Variants in OR2L3 observed in about 807,000 individuals in gnomAD.
OR2L3 encodes the protein olfactory receptor family 2 subfamily L member 3, also known as olfactory receptor 2L3.
For missense variants in OR2L3, 369 were observed against 376.6 expected, an observed-to-expected ratio of 0.98 and a Z score of 0.17; for synonymous variants, 131 against 139.1, an observed-to-expected ratio of 0.94 and a Z score of 0.41.
At chr1:248,052,424 A>G (rs1241253564) in intron 1 of OR2L3, among the ~76,000 whole-genome samples, 1 of 152,116 alleles carries the variant, frequency 6.6e-6, no homozygotes, top group Non-Finnish European at 1.5e-5. Flanking sequence ...GCTTCGAGTA[A>G]GTTTTAAAAT....
intron 1 of OR2L3, among the ~76,000 whole-genome samples, chr1:248,054,199 A>G (rs1435840177): frequency 6.6e-6 from 1 of 152,162 alleles, no homozygotes; most frequent in East Asian, 1.9e-4. Context: ...TCCCAGCACC[A>G]TTTATTAAAT....
chr1:248,061,448 A>T lies in OR2L3; in HGVS notation c.767A>T (p.Tyr256Phe). 6.2e-7 allele frequency: 1 copy of T among 1,613,994 alleles called. No homozygotes were observed. Among genetic ancestry groups the T allele is most frequent in the Non-Finnish European group, 8.5e-7 (1 of 1,179,986 alleles). ...VVTFYYAPFV[Y>F]TYLRPRSLRS... ...ACTTTCTACTATGCACCTTTTGTCTACACTTATCTACGTCCAAGATCCCTG... is the reference window on the plus strand; with the variant it reads ...ACTTTCTACTATGCACCTTTTGTCTTCACTTATCTACGTCCAAGATCCCTG... The change falls in exon 2 of 2, where the codon TAC becomes TTC. Residue 256 changes from tyrosine (Y) to phenylalanine (F), a missense_variant. By Grantham distance (22) the Tyr-to-Phe change is conservative (BLOSUM62 3). Coordinates refer to ENST00000359959, the MANE Select transcript of OR2L3 (RefSeq NM_001004687.2).
intron 1 of OR2L3, 128 bp from the exon 2 acceptor site, chr1:248,060,533 G>A (rs1663588284): frequency 1.5e-6 from 1 of 647,462 alleles, no homozygotes; most frequent in Non-Finnish European, 2.8e-6. Flanking sequence ...TGTGTGGACA[G>A]AAAATAATAG....
intron 1 of OR2L3, among the ~76,000 whole-genome samples, chr1:248,057,001 G>T (rs1454300519): frequency 5.9e-5 from 9 of 152,124 alleles, no homozygotes; most frequent in African/African-American, 2.2e-4. Context: ...TGGTCTGAGA[G>T]ACTGTTTGTT....
At position 248,050,203 on chromosome 1, in the gene OR2L3, C is replaced by T. The variant is rs565792022; in HGVS notation, c.-22+3323C>T. On this transcript the variant is annotated intron_variant, in intron 1 of 1. Transcript: ENST00000359959. ...AATAGTGACCAGGACTTTTTCTGCT[C>T]GTTCTTTCCTCCTGTGTATTCTGTC... 6.6e-5 allele frequency among the ~76,000 whole-genome samples: 10 copies of T among 151,838 alleles called. No individual in the cohort carries two copies. The South Asian group carries it at 1.3e-3, about 19-fold the overall frequency.
At chr1:248,055,214 T>A (rs1235934679) in intron 1 of OR2L3, among the ~76,000 whole-genome samples, 2 of 152,192 alleles carry the variant, frequency 1.3e-5, no homozygotes. Flanking sequence ...TTTTTGTCTT[T>A]AGTTCTGTTT....
intron 1 of OR2L3, among the ~76,000 whole-genome samples, chr1:248,048,487 G>T (rs1663156007): frequency 6.6e-6 from 1 of 152,092 alleles, no homozygotes; most frequent in Non-Finnish European, 1.5e-5. Flanking sequence ...AGCTGTCCTT[G>T]TCTATACTCC....
intron 1 of OR2L3, among the ~76,000 whole-genome samples, chr1:248,060,399 AAGAT>A (rs1663583574): frequency 6.6e-6 from 1 of 152,230 alleles, no homozygotes; most frequent in South Asian, 2.1e-4. Flanking sequence ...TTGAGAGAGA[AAGAT>A]AGAGACCATA....
chr1:248,055,143 C>G (rs1320499567), intron 1 of OR2L3, among the ~76,000 whole-genome samples: 1 of 152,042 alleles, frequency 6.6e-6, no homozygotes, highest in Non-Finnish European at 1.5e-5. Flanking sequence ...GAGTTTTTAA[C>G]ATGAAGGGAA....
At chr1:248,058,913 C>T (rs1326970282) in intron 1 of OR2L3, among the ~76,000 whole-genome samples, 1 of 151,752 alleles carries the variant, frequency 6.6e-6, no homozygotes, top group Admixed American at 6.6e-5. Context: ...TCTTACTTTG[C>T]CTTTTGAAAC....
chr1:248,061,253 C>T lies in OR2L3; in HGVS notation c.572C>T (p.Thr191Ile). Residue 191 changes from threonine to isoleucine, a missense_variant, in exon 2 of 2, where the codon ACC becomes ATC. Transcript: ENST00000359959. ...PAMVTLACMD[T>I]WVYEGTVFLS... ...ATGGTGACTCTGGCCTGCATGGACA[C>T]CTGGGTCTATGAGGGCACAGTGTTT... is the stretch of plus-strand genomic sequence containing the variant. The T allele has an allele frequency of 1.2e-6, 2 of 1,610,610 alleles. No homozygotes were observed. The highest frequency in any genetic ancestry group is 1.7e-6 in the Non-Finnish European group (2 of 1,179,110).
chr1:248,049,318 G>T (rs1281207642), intron 1 of OR2L3, among the ~76,000 whole-genome samples: 1 of 152,172 alleles, frequency 6.6e-6, no homozygotes, highest in Admixed American at 6.5e-5. Context: ...GGATAGGAAA[G>T]AGATCCATGC....
chr1:248,047,068 G>C (rs892830290), intron 1 of OR2L3, among the ~76,000 whole-genome samples, 188 bp downstream of exon 1: 1 of 152,120 alleles, frequency 6.6e-6, no homozygotes, highest in African/African-American at 2.4e-5. Context: ...AAATGGTTTT[G>C]AACCTAATTC....
intron 1 of OR2L3, among the ~76,000 whole-genome samples, chr1:248,056,165 A>C (rs10736376): frequency 6.6e-6 from 1 of 152,248 alleles, no homozygotes; most frequent in East Asian, 1.9e-4. Flanking sequence ...CTCTCTTTAC[A>C]TCTTTATTAT....
intron 1 of OR2L3, among the ~76,000 whole-genome samples, chr1:248,056,916 C>A (rs1013095194): frequency 2.6e-5 from 4 of 151,884 alleles, no homozygotes; most frequent in Non-Finnish European, 4.4e-5. Flanking sequence ...TCCCAAAGTG[C>A]TGGGATTACA....
At chr1:248,052,418 C>T (rs1232104581) in intron 1 of OR2L3, among the ~76,000 whole-genome samples, 2 of 152,016 alleles carry the variant, frequency 1.3e-5, no homozygotes, top group African/African-American at 2.4e-5. Context: ...ACTATAGCTT[C>T]GAGTAAGTTT....
rs747288930 is a variant in OR2L3 at position 248,060,783 on chromosome 1, C to T, written c.102C>T (p.Phe34=). The change falls in exon 2 of 2, where the codon TTC becomes TTT. Residue 34 remains phenylalanine (F), a synonymous_variant. Coordinates refer to ENST00000359959, the MANE Select transcript of OR2L3 (RefSeq NM_001004687.2). ...LFLFILIVFI[F]LMALIGNLSM... is the part of the protein sequence containing the mutation. ...TCTTCATCCTCATTGTTTTCATTTT[C>T]CTAATGGCTCTAATTGGAAACCTAT... The T allele has an allele frequency of 1.2e-6, 2 of 1,614,134 alleles. No individual in the cohort carries two copies. Among genetic ancestry groups the T allele is most frequent in the Non-Finnish European group, 1.7e-6 (2 of 1,179,968 alleles).
At position 248,062,261 on chromosome 1, in the gene OR2L3, C is replaced by A. The variant is rs912408225; in HGVS notation, c.*641C>A. The A allele has an allele frequency of 6.6e-6, 1 of 152,184 alleles. No homozygotes were observed. Among genetic ancestry groups the A allele is most frequent in the Non-Finnish European group, 1.5e-5 (1 of 68,056 alleles). 9.4% of individuals were successfully genotyped at this position (152,184 alleles called of 1,614,324 possible). On this transcript the variant is annotated 3_prime_UTR_variant, in exon 2 of 2. Transcript: ENST00000359959. ...TAACATTAGGTATATTTTAGATCAA[C>A]AAAAGGACTGGAACATGCCAGCAGT...
rs539478250 is a variant in OR2L3 at position 248,052,833 on chromosome 1, A to T, written c.-22+5953A>T. The stretch of plus-strand genomic sequence containing the variant: ...TGAGGATTCTTTAAGATTCATATAA[A>T]TTTTAGAATGGGCTTTTCTGTTTCT... On this transcript the variant is annotated intron_variant, in intron 1 of 1. Transcript: ENST00000359959. Among the ~76,000 whole-genome samples the T allele has an allele frequency of 4.6e-5, 7 of 152,180 alleles. No individual in the cohort carries two copies. In the East Asian group the frequency reaches 1.2e-3, roughly 25 times the overall value.
Sources: gnomAD v4.1 joint callset for allele counts (sites outside exome capture counted in the v4.1 genomes callset) on GRCh38, gnomAD v4.1.1 for gene constraint, MANE v1.5 for transcripts, NCBI Gene and HGNC (gene_info 2026-07-23, HGNC 2026-07-21) for gene names.